NAT2: variants seen among roughly 807,000 people sequenced by gnomAD.
NAT2 encodes N-acetyltransferase 2, also known as arylamine N-acetyltransferase 2.
For synonymous variants in NAT2, 137 were observed against 125.9 expected (o/e 1.09, Z -0.59); for missense variants, 428 against 339.1 (o/e 1.26, Z -2.06).
intron 1 of NAT2, among the ~76,000 whole-genome samples, chr8:18,391,809 C>G (rs970156459): frequency 2.0e-5 from 3 of 152,226 alleles, no homozygotes; most frequent in Admixed American, 1.3e-4. Context: ...AAATGAGAGT[C>G]TGACACCTTA....
intron 1 of NAT2, among the ~76,000 whole-genome samples, chr8:18,391,683 C>A (rs894811630): frequency 2.0e-5 from 3 of 152,220 alleles, no homozygotes; most frequent in East Asian, 3.9e-4. Flanking sequence ...TGAAGGAAAT[C>A]AATATATTTA....
chr8:18,400,763 G>A lies in NAT2; in HGVS notation c.760G>A (p.Glu254Lys), dbSNP rs369191649. The change falls in exon 2 of 2, where the codon GAG (glutamate) becomes AAG (lysine). Residue 254 changes from glutamate (E) to lysine (K), a missense_variant. Transcript: ENST00000286479. ...FNYKDNTDLV[E>K]FKTLTEEEVE... The stretch of plus-strand genomic sequence containing the variant: ...TTATAAAGACAATACAGATCTGGTC[G>A]AGTTTAAAACTCTCACTGAGGAAGA... 126 of 1,613,320 alleles carry A rather than the reference G, an allele frequency of 7.8e-5. No individual in the cohort carries two copies. The highest frequency in any genetic ancestry group is 1.0e-4 in the Non-Finnish European group (120 of 1,179,920).
At chr8:18,392,142 T>C (rs11780272) in intron 1 of NAT2, among the ~76,000 whole-genome samples, 54,359 of 152,124 alleles carry the variant, frequency 0.36, 10,518 homozygotes, top group Middle Eastern at 0.44. Context: ...GGTTGATTAA[T>C]AGGGGAAAGG....
chr8:18,389,779 C>G (rs539133039), upstream of NAT2, among the ~76,000 whole-genome samples: 1 of 152,136 alleles, frequency 6.6e-6, no homozygotes, highest in Admixed American at 6.5e-5. Flanking sequence ...TTTATAATAA[C>G]CAGGAGTAGG....
intron 1 of NAT2, among the ~76,000 whole-genome samples, chr8:18,394,204 C>T (rs1272798457): frequency 2.0e-5 from 3 of 152,162 alleles, no homozygotes; most frequent in Non-Finnish European, 2.9e-5. Context: ...AGGAATTTCA[C>T]AAGACAGTGT....
upstream of NAT2, among the ~76,000 whole-genome samples, chr8:18,388,438 T>G (rs886825242): frequency 7.3e-6 from 1 of 137,094 alleles, no homozygotes; most frequent in African/African-American, 2.8e-5. Flanking sequence ...TGGGAGGGAT[T>G]ATCCCAAACT....
At position 18,400,573 on chromosome 8, in the gene NAT2, C is replaced by T. The variant is rs769102650; in HGVS notation, c.570C>T (p.Tyr190=). The T allele has an allele frequency of 6.2e-7, 1 of 1,612,354 alleles. No homozygotes were observed. Among genetic ancestry groups the T allele is most frequent in the Non-Finnish European group, 8.5e-7 (1 of 1,179,592 alleles). Reference sequence around the variant, plus strand: ...CAAAGAAGAAACACCAAAAAATATACTTATTTACGCTTGAACCTCGAACAA... The same window carrying T: ...CAAAGAAGAAACACCAAAAAATATATTTATTTACGCTTGAACCTCGAACAA... ...LLPKKKHQKI[Y]LFTLEPRTIE... is the part of the protein sequence containing the mutation. Residue 190 remains tyrosine (Y), a synonymous_variant, in exon 2 of 2, where the codon TAC becomes TAT. Coordinates refer to ENST00000286479, the MANE Select transcript of NAT2 (RefSeq NM_000015.3).
At chr8:18,393,227 T>G (rs1410889687) in intron 1 of NAT2, among the ~76,000 whole-genome samples, 1 of 152,030 alleles carries the variant, frequency 6.6e-6, no homozygotes, top group Non-Finnish European at 1.5e-5. Flanking sequence ...AGATTTAAGT[T>G]AGAGGTGTTT....
chr8:18,400,583 C>T lies in NAT2; in HGVS notation c.580C>T (p.Leu194Phe). ...ACACCAAAAAATATACTTATTTACGCTTGAACCTCGAACAATTGAAGATTT... is the reference window on the plus strand; with the variant it reads ...ACACCAAAAAATATACTTATTTACGTTTGAACCTCGAACAATTGAAGATTT... Reference protein sequence around the residue: ...KKHQKIYLFTLEPRTIEDFES... With the variant: ...KKHQKIYLFTFEPRTIEDFES... Residue 194 changes from leucine to phenylalanine, a missense_variant, in exon 2 of 2, where the codon CTT becomes TTT. Transcript: ENST00000286479. The T allele has an allele frequency of 6.2e-7, 1 of 1,613,120 alleles. No individual in the cohort carries two copies. The highest frequency in any genetic ancestry group is 1.3e-5 in the African/African-American group (1 of 74,940).
chr8:18,396,349 G>T (rs555288563), intron 1 of NAT2, among the ~76,000 whole-genome samples: 1 of 152,198 alleles, frequency 6.6e-6, no homozygotes, highest in African/African-American at 2.4e-5. Flanking sequence ...CCTTTTACAA[G>T]ATCAATGATC....
intron 1 of NAT2, among the ~76,000 whole-genome samples, chr8:18,398,623 C>T (rs908768762): frequency 2.5e-4 from 38 of 152,144 alleles, no homozygotes; most frequent in African/African-American, 9.2e-4. Flanking sequence ...CATGAAACTT[C>T]CTATGCTGGT....
At chr8:18,396,331 A>T (rs1259633958) in intron 1 of NAT2, among the ~76,000 whole-genome samples, 2 of 152,208 alleles carry the variant, frequency 1.3e-5, no homozygotes, top group East Asian at 3.9e-4. Context: ...TGGCTTATAT[A>T]TAGAATTCCT....
chr8:18,393,006 T>G (rs780670509), intron 1 of NAT2, among the ~76,000 whole-genome samples: 8 of 152,074 alleles, frequency 5.3e-5, no homozygotes, highest in Non-Finnish European at 1.2e-4. Context: ...GGAGAGGGTA[T>G]GGCTGCATTA....
chr8:18,397,833 ACT>A (rs1445148475), intron 1 of NAT2, among the ~76,000 whole-genome samples: 1 of 151,862 alleles, frequency 6.6e-6, no homozygotes, highest in African/African-American at 2.4e-5. Flanking sequence ...TGAGATCTTA[ACT>A]CTCTCTTTCA....
At position 18,398,127 on chromosome 8, in the gene NAT2, C is replaced by T. The variant is rs967487471; in HGVS notation, c.-6-1871C>T. ...AGTCTTCAGAATAAAGACCCCAACA[C>T]ACAGGGGAAATTGTCCTTTTTATGC... is the stretch of plus-strand genomic sequence containing the variant. On this transcript the variant is annotated intron_variant, in intron 1 of 1. Transcript: ENST00000286479. Among the ~76,000 whole-genome samples, 11 of 152,148 alleles carry T rather than the reference C, an allele frequency of 7.2e-5. No individual in the cohort carries two copies. In the East Asian group the frequency reaches 1.9e-3, roughly 27 times the overall value.
chr8:18,398,518 C>T (rs1000640435), intron 1 of NAT2, among the ~76,000 whole-genome samples: 1 of 152,086 alleles, frequency 6.6e-6, no homozygotes, highest in Non-Finnish European at 1.5e-5. Flanking sequence ...AGATAGGAGG[C>T]CAGGAGAAGG....
chr8:18,388,791 A>G (rs1286033911), upstream of NAT2, among the ~76,000 whole-genome samples: 3 of 152,194 alleles, frequency 2.0e-5, no homozygotes, highest in Admixed American at 6.5e-5. Context: ...TTATGGTATC[A>G]CTGTTGTTGC....
chr8:18,390,106 C>T (rs1800569229), upstream of NAT2, among the ~76,000 whole-genome samples: 2 of 152,160 alleles, frequency 1.3e-5, no homozygotes, highest in Admixed American at 1.3e-4. Context: ...ATTTAGTCTC[C>T]AGTTCCCATC....
In NAT2 at chr8:18,400,281, T is replaced by A; in HGVS notation, c.278T>A (p.Phe93Tyr). ...GFQTTMLGGY[F>Y]YIPPVNKYST... The stretch of plus-strand genomic sequence containing the variant: ...CAGACCACAATGTTAGGAGGGTATT[T>A]TTACATCCCTCCAGTTAACAAATAC... The change falls in exon 2 of 2, where the codon TTT becomes TAT. Residue 93 changes from phenylalanine to tyrosine, a missense_variant. Physicochemically the swap from Phe to Tyr is conservative, Grantham distance 22. Transcript: ENST00000286479. The A allele has an allele frequency of 1.9e-6, 3 of 1,613,620 alleles. No homozygotes were observed. Among genetic ancestry groups the A allele is most frequent in the Non-Finnish European group, 2.5e-6 (3 of 1,179,774 alleles).
Sources: allele counts gnomAD v4.1 joint callset (sites outside exome capture counted in the v4.1 genomes callset), GRCh38; gene constraint gnomAD v4.1.1; transcripts MANE v1.5; gene names NCBI Gene and HGNC (gene_info 2026-07-23, HGNC 2026-07-21).